GRM7: variants seen among roughly 807,000 people sequenced by gnomAD.
GRM7 encodes the protein glutamate metabotropic receptor 7, also known as metabotropic glutamate receptor 7.
A neutral mutation model predicts 84.5 loss-of-function variants in GRM7; 35 were observed. That is an observed-to-expected ratio of 0.41 (90% CI 0.32 to 0.55). The LOEUF is 0.55. Among genes scored for constraint, GRM7 ranks in the 20% least tolerant of loss-of-function variants. GRM7 has a pLI of 0.19. For synonymous variants in GRM7, 487 were observed against 455.1 expected, an observed-to-expected ratio of 1.07 and a Z score of -0.89; for missense variants, 1,003 against 1,194.6, an observed-to-expected ratio of 0.84 and a Z score of 2.36.
intron 4 of GRM7, among the ~76,000 whole-genome samples, chr3:7,357,184 G>A (rs147874747): frequency 6.6e-6 from 1 of 151,654 alleles, no homozygotes; most frequent in Admixed American, 6.6e-5. Flanking sequence ...TCTAGCATAA[G>A]CATTTGTATA....
At chr3:7,117,951 C>G (rs1357110057) in intron 1 of GRM7, among the ~76,000 whole-genome samples, 1 of 152,060 alleles carries the variant, frequency 6.6e-6, no homozygotes, top group African/African-American at 2.4e-5. Flanking sequence ...TATCTTTTAT[C>G]AAGTTCTGGG....
At chr3:7,104,050 C>A (rs964865737) in intron 1 of GRM7, among the ~76,000 whole-genome samples, 2 of 151,238 alleles carry the variant, frequency 1.3e-5, no homozygotes, top group African/African-American at 2.4e-5. Context: ...GGAGATGGTA[C>A]CTTTGGGAGA....
At chr3:7,733,328 C>G (rs1037109716) in intron 9 of GRM7, among the ~76,000 whole-genome samples, 2 of 152,202 alleles carry the variant, frequency 1.3e-5, no homozygotes, top group Non-Finnish European at 2.9e-5. Context: ...TCAGCAAAGA[C>G]AGGGATCCTG....
At chr3:7,524,535 C>T (rs1700718706) in intron 7 of GRM7, among the ~76,000 whole-genome samples, 1 of 89,152 alleles carries the variant, frequency 1.1e-5, no homozygotes, top group Non-Finnish European at 2.1e-5. Flanking sequence ...CACTGGCCAT[C>T]AGAGAAATGC....
At chr3:6,965,720 C>A (rs771050427) in intron 1 of GRM7, among the ~76,000 whole-genome samples, 1 of 152,088 alleles carries the variant, frequency 6.6e-6, no homozygotes, top group Non-Finnish European at 1.5e-5. Flanking sequence ...AAATTAAAAT[C>A]TTAGGTTGTT....
chr3:7,741,213 G>C lies in GRM7; in HGVS notation c.*807G>C, dbSNP rs1414001049. 6.6e-6 allele frequency: 1 copy of C among 152,344 alleles called. No homozygotes were observed. Among genetic ancestry groups the C allele is most frequent in the Non-Finnish European group, 1.5e-5 (1 of 67,966 alleles). The allele number at this position is 152,344 out of a possible 1,614,324, so 9.4% of individuals were successfully genotyped here. On this transcript the variant is annotated 3_prime_UTR_variant, in exon 10 of 10. Coordinates refer to ENST00000357716, the MANE Select transcript of GRM7 (RefSeq NM_000844.4). ...AATATTTGTATTTGTGTTCTCTTTT[G>C]TTATTTTTAATTAGGGTATATGAAT...
At chr3:7,259,786 T>C (rs1172547875) in intron 2 of GRM7, among the ~76,000 whole-genome samples, 3 of 152,126 alleles carry the variant, frequency 2.0e-5, no homozygotes, top group African/African-American at 7.2e-5. Context: ...GAATGATTTA[T>C]ATTTTTTTGG....
At chr3:7,479,685 G>A (rs2124934727) in intron 7 of GRM7, among the ~76,000 whole-genome samples, 1 of 152,280 alleles carries the variant, frequency 6.6e-6, no homozygotes, top group African/African-American at 2.4e-5. Flanking sequence ...CACTTATGAG[G>A]TCGGTGCTAT....
intron 4 of GRM7, among the ~76,000 whole-genome samples, chr3:7,369,673 A>G (rs1316803630): frequency 2.0e-5 from 3 of 152,102 alleles, no homozygotes; most frequent in African/African-American, 7.2e-5. Context: ...GTCATTGTCA[A>G]TTTATTTTGT....
chr3:7,383,042 G>A (rs552392390), intron 4 of GRM7, among the ~76,000 whole-genome samples: 12 of 152,214 alleles, frequency 7.9e-5, no homozygotes, highest in African/African-American at 1.9e-4. Flanking sequence ...GCTCCTTAGC[G>A]AGTGATCCTG....
intron 1 of GRM7, among the ~76,000 whole-genome samples, chr3:7,035,649 G>A (rs1696361008): frequency 6.6e-6 from 1 of 152,118 alleles, no homozygotes; most frequent in Admixed American, 6.6e-5. Context: ...TCAAAGATTT[G>A]GGAACATTTC....
intron 1 of GRM7, among the ~76,000 whole-genome samples, chr3:7,131,110 G>C (rs935653321): frequency 6.6e-6 from 1 of 151,998 alleles, no homozygotes; most frequent in Non-Finnish European, 1.5e-5. Flanking sequence ...CAGGAGCTAG[G>C]AAGGACTGAC....
At chr3:7,025,742 T>G (rs919758560) in intron 1 of GRM7, among the ~76,000 whole-genome samples, 13 of 152,188 alleles carry the variant, frequency 8.5e-5, no homozygotes, top group Admixed American at 2.0e-4. Context: ...TCTTGTGTTC[T>G]TTTAGAAGCC....
At chr3:7,627,682 A>T (rs533475699) in intron 8 of GRM7, among the ~76,000 whole-genome samples, 2 of 152,292 alleles carry the variant, frequency 1.3e-5, no homozygotes, top group South Asian at 4.1e-4. Flanking sequence ...TGGAAACAAC[A>T]GAAATTTATT....
chr3:7,427,676 C>T, intron 5 of GRM7, among the ~76,000 whole-genome samples: 1 of 152,164 alleles, frequency 6.6e-6, no homozygotes, highest in East Asian at 1.9e-4. Context: ...TAGTGATCTT[C>T]AAAAGTCCCA....
intron 1 of GRM7, among the ~76,000 whole-genome samples, chr3:6,866,937 T>C (rs552906009): frequency 6.6e-6 from 1 of 152,308 alleles, no homozygotes; most frequent in African/African-American, 2.4e-5. Flanking sequence ...CTGGAATTTT[T>C]AAGCTAGGGA....
At chr3:7,425,438 T>G (rs919723874) in intron 5 of GRM7, among the ~76,000 whole-genome samples, 5 of 152,200 alleles carry the variant, frequency 3.3e-5, no homozygotes, top group African/African-American at 1.2e-4. Context: ...TCTCTGAATA[T>G]ATCTCATTTG....
At chr3:7,071,466 C>T (rs534177136) in intron 1 of GRM7, among the ~76,000 whole-genome samples, 18 of 152,148 alleles carry the variant, frequency 1.2e-4, no homozygotes, top group Middle Eastern at 3.4e-3. Flanking sequence ...ACTTTCTAAA[C>T]ATTCTTACCC....
At chr3:7,416,603 C>A (rs945517782) in intron 5 of GRM7, among the ~76,000 whole-genome samples, 1 of 151,952 alleles carries the variant, frequency 6.6e-6, no homozygotes, top group African/African-American at 2.4e-5. Flanking sequence ...GAGAAATGTA[C>A]AACATATGAC....
Sources: allele counts gnomAD v4.1 joint callset (sites outside exome capture counted in the v4.1 genomes callset), GRCh38; gene constraint gnomAD v4.1.1; transcripts MANE v1.5; gene names NCBI Gene and HGNC (gene_info 2026-07-23, HGNC 2026-07-21).